BTD: variants seen among roughly 807,000 people sequenced by gnomAD.
The protein encoded by BTD is biotinidase.
BTD carries 13 observed loss-of-function variants against 17.7 expected under a neutral mutation model. The observed-to-expected ratio is 0.74, with a 90% CI of 0.48 to 1.17. The LOEUF is 1.17. Ranked by LOEUF, BTD falls within the 50% of genes most tolerant of loss-of-function variation. BTD has a pLI of 0.00. For synonymous variants in BTD, 240 were observed against 245.2 expected, an observed-to-expected ratio of 0.98 and a Z score of 0.20; for missense variants, 674 against 650.4, an observed-to-expected ratio of 1.04 and a Z score of -0.39.
exon 4 of BTD, chr3:15,712,279 G>A (rs900361655): frequency 3.0e-6 from 4 of 1,336,230 alleles, no homozygotes; most frequent in Non-Finnish European, 1.0e-6. Flanking sequence ...AATACAATCA[G>A]TTAAATACAT....
Position 15,650,843 on chromosome 3 carries a change from C to A in BTD, c.*5355C>A, listed in dbSNP as rs2065790034. Among the ~76,000 whole-genome samples, 1 of 152,204 alleles carries A rather than the reference C, an allele frequency of 6.6e-6. No individual in the cohort carries two copies. Among genetic ancestry groups the A allele is most frequent in the African/African-American group, 2.4e-5 (1 of 41,456 alleles). ...GGAGTGCAATGGCATGATCTCGGCTCACTGCAAGCTCTGCCTCCCGAGTTC... is the reference window on the plus strand; with the variant it reads ...GGAGTGCAATGGCATGATCTCGGCTAACTGCAAGCTCTGCCTCCCGAGTTC... On this transcript the variant is annotated 3_prime_UTR_variant, in exon 4 of 4. Coordinates refer to ENST00000643237, the MANE Select transcript of BTD (RefSeq NM_001370658.1).
At chr3:15,610,231 T>A (rs1449650604) in intron 1 of BTD, among the ~76,000 whole-genome samples, 2 of 152,194 alleles carry the variant, frequency 1.3e-5, no homozygotes, top group South Asian at 2.1e-4. Context: ...GGTTGTCCAC[T>A]GGGATAGCGG....
chr3:15,623,956 A>G (rs539908949), intron 1 of BTD, among the ~76,000 whole-genome samples: 1 of 152,342 alleles, frequency 6.6e-6, no homozygotes, highest in African/African-American at 2.4e-5. Flanking sequence ...AGTTCTTTAT[A>G]GCAGTGTGAG....
intron 1 of BTD, among the ~76,000 whole-genome samples, chr3:15,611,253 CCCTCTGTACTCTT>C (rs1301910427): frequency 6.6e-6 from 1 of 152,054 alleles, no homozygotes; most frequent in Non-Finnish European, 1.5e-5. Flanking sequence ...CTGGCAAGTA[CCCTCTGTACTCTT>C]CCTCTGTACA....
intron 3 of BTD, chr3:15,685,262 G>A (rs2067978894): frequency 3.1e-6 from 5 of 1,613,864 alleles, no homozygotes; most frequent in Non-Finnish European, 3.4e-6. Context: ...GTATATCCAT[G>A]ATTGTCTGCT....
At chr3:15,694,524 T>C (rs988440493) in intron 3 of BTD, among the ~76,000 whole-genome samples, 5 of 151,952 alleles carry the variant, frequency 3.3e-5, no homozygotes, top group Non-Finnish European at 4.4e-5. Flanking sequence ...TGTCTTTTTT[T>C]TTTTTTTCTA....
intron 1 of BTD, among the ~76,000 whole-genome samples, chr3:15,602,899 A>G (rs1184737266): frequency 6.6e-6 from 1 of 152,162 alleles, no homozygotes; most frequent in Non-Finnish European, 1.5e-5. Context: ...TATAAAGAAA[A>G]AGAGGTTTAA....
intron 1 of BTD, chr3:15,629,908 C>A: frequency 2.8e-6 from 1 of 356,282 alleles, no homozygotes; most frequent in Non-Finnish European, 3.9e-6. Flanking sequence ...CTTTGTGTGG[C>A]AGGAAGATAA....
intron 3 of BTD, among the ~76,000 whole-genome samples, chr3:15,672,333 G>A (rs749912211): frequency 6.6e-6 from 1 of 151,888 alleles, no homozygotes; most frequent in African/African-American, 2.4e-5. Context: ...GTAGATACAG[G>A]GTCTCGCTTT....
intron 3 of BTD, among the ~76,000 whole-genome samples, chr3:15,698,796 G>A (rs751796373): frequency 6.6e-6 from 1 of 152,142 alleles, no homozygotes; most frequent in Non-Finnish European, 1.5e-5. Flanking sequence ...AATCAATATT[G>A]TGAAAATGGC....
intron 3 of BTD, among the ~76,000 whole-genome samples, chr3:15,671,878 C>T (rs1038365284): frequency 1.3e-5 from 2 of 152,032 alleles, no homozygotes; most frequent in Non-Finnish European, 2.9e-5. Context: ...ACCACCTTAC[C>T]CAGCCTACAG....
intron 2 of BTD, 140 bp from the exon 3 acceptor site, chr3:15,641,768 G>GAC: frequency 1.4e-6 from 1 of 704,230 alleles, no homozygotes; most frequent in Admixed American, 2.0e-5. Flanking sequence ...GGAGAGTAAA[G>GAC]ACACCATCTC....
intron 1 of BTD, among the ~76,000 whole-genome samples, chr3:15,613,651 T>C (rs907471919): frequency 6.6e-6 from 1 of 152,168 alleles, no homozygotes; most frequent in Non-Finnish European, 1.5e-5. Flanking sequence ...CGTGGCAGAA[T>C]GTTTTGTCAC....
At chr3:15,679,270 A>T (rs778305597) in intron 3 of BTD, 1 of 1,599,280 alleles carries the variant, frequency 6.3e-7, no homozygotes, top group Admixed American at 1.7e-5. Flanking sequence ...GTGCCTGGCT[A>T]AAACTATTTA....
chr3:15,676,019 A>ATATGTG, intron 3 of BTD: 1 of 1,579,556 alleles, frequency 6.3e-7, no homozygotes, highest in Non-Finnish European at 8.7e-7. Flanking sequence ...ACATGTACAC[A>ATATGTG]TATGTGCATG....
chr3:15,643,892 G>GAA (rs552609192), intron 3 of BTD, among the ~76,000 whole-genome samples: 1,191 of 86,118 alleles, frequency 0.014, 16 homozygotes, highest in Non-Finnish European at 0.022. Context: ...CCCTGTCTCT[G>GAA]AAAAAAAAAA....
chr3:15,621,714 C>T lies in BTD; in HGVS notation c.-16-13710C>T, dbSNP rs1483886085. Reference sequence around the variant, plus strand: ...TCCCTGGTTCAAGCAATTCTCCTGCCTCAGCCTCCTGAGTAGCTGGAATTA... The same window carrying T: ...TCCCTGGTTCAAGCAATTCTCCTGCTTCAGCCTCCTGAGTAGCTGGAATTA... On this transcript the variant is annotated intron_variant, in intron 1 of 3. Transcript: ENST00000643237. 3.3e-5 allele frequency among the ~76,000 whole-genome samples: 5 copies of T among 152,118 alleles called. No homozygotes were observed. In the South Asian group the frequency reaches 1.0e-3, roughly 31 times the overall value.
At chr3:15,607,666 A>G (rs1238180690) in intron 1 of BTD, among the ~76,000 whole-genome samples, 6 of 152,256 alleles carry the variant, frequency 3.9e-5, no homozygotes, top group Non-Finnish European at 8.8e-5. Context: ...TGAAATGTTT[A>G]CTTATCAAAT....
intron 3 of BTD, among the ~76,000 whole-genome samples, chr3:15,659,462 C>T (rs6771569): frequency 1.9e-3 from 287 of 152,356 alleles, no homozygotes; most frequent in African/African-American, 6.4e-3. Context: ...ATCTCCTTCA[C>T]TGGGGTTAGA....
Sources: allele counts gnomAD v4.1 joint callset (sites outside exome capture counted in the v4.1 genomes callset), GRCh38; gene constraint gnomAD v4.1.1; transcripts MANE v1.5; gene names NCBI Gene and HGNC (gene_info 2026-07-23, HGNC 2026-07-21).